Variants in EYA1 observed in about 807,000 individuals in gnomAD.
EYA1 encodes EYA transcriptional coactivator and phosphatase 1.
A neutral mutation model predicts 82.0 loss-of-function variants in EYA1; 16 were observed. The ratio of observed to expected loss-of-function variants is 0.20; its 90% CI spans 0.13 to 0.30. The LOEUF (loss-of-function observed/expected upper bound fraction) is 0.30. Among genes scored for constraint, EYA1 ranks in the 10% least tolerant of loss-of-function variants. The pLI is 1.00. For missense variants in EYA1, 633 were observed against 730.7 expected (o/e 0.87, Z 1.54); for synonymous variants, 261 against 264.4 (o/e 0.99, Z 0.12).
intron 1 of EYA1, among the ~76,000 whole-genome samples, chr8:71,545,349 A>G (rs557359901): frequency 7.9e-4 from 121 of 152,348 alleles, no homozygotes; most frequent in Middle Eastern, 6.8e-3. Flanking sequence ...TTTATATCCA[A>G]AAAGAAACAG....
chr8:71,427,603 A>T (rs893120092), intron 2 of EYA1, among the ~76,000 whole-genome samples: 1 of 152,186 alleles, frequency 6.6e-6, no homozygotes, highest in Non-Finnish European at 1.5e-5. Flanking sequence ...GCCTTATATA[A>T]CGCCTAGTGA....
At chr8:71,287,944 T>C (rs1032068690) in intron 9 of EYA1, among the ~76,000 whole-genome samples, 4 of 152,216 alleles carry the variant, frequency 2.6e-5, no homozygotes, top group Non-Finnish European at 5.9e-5. Flanking sequence ...ATTATGCTCA[T>C]TCCACAGAGA....
At chr8:71,384,101 C>CT (rs1332695970) in intron 2 of EYA1, among the ~76,000 whole-genome samples, 10 of 152,064 alleles carry the variant, frequency 6.6e-5, no homozygotes, top group African/African-American at 2.2e-4. Flanking sequence ...TTCTCTAGAT[C>CT]TTTAAGAACT....
intron 1 of EYA1, among the ~76,000 whole-genome samples, chr8:71,543,302 G>A (rs1248569380): frequency 1.3e-5 from 2 of 152,146 alleles, no homozygotes; most frequent in African/African-American, 2.4e-5. Context: ...AGAGGTTGGG[G>A]GGTGATGAAC....
chr8:71,240,646 T>A (rs1403322110), intron 12 of EYA1, among the ~76,000 whole-genome samples: 2 of 152,196 alleles, frequency 1.3e-5, no homozygotes, highest in Non-Finnish European at 2.9e-5. Context: ...TGGGTTAGGA[T>A]GGCAACCATA....
intron 7 of EYA1, among the ~76,000 whole-genome samples, chr8:71,308,886 G>A (rs906282389): frequency 3.9e-5 from 6 of 152,122 alleles, no homozygotes; most frequent in Non-Finnish European, 4.4e-5. Flanking sequence ...GGGCAAGCAG[G>A]ATGCTGTTTG....
intron 2 of EYA1, among the ~76,000 whole-genome samples, chr8:71,502,036 G>T (rs1478959814): frequency 2.0e-5 from 3 of 152,078 alleles, no homozygotes; most frequent in African/African-American, 7.2e-5. Context: ...ACCTAGTAAG[G>T]TACCAGATAT....
chr8:71,246,554 T>C (rs1056747017), intron 11 of EYA1, among the ~76,000 whole-genome samples: 10 of 152,248 alleles, frequency 6.6e-5, no homozygotes, highest in Non-Finnish European at 1.0e-4. Flanking sequence ...CCATGCCTGT[T>C]AAGTTTGGGA....
intron 2 of EYA1, among the ~76,000 whole-genome samples, chr8:71,463,618 TC>T (rs1808553712): frequency 1.1e-5 from 1 of 90,548 alleles, no homozygotes; most frequent in Non-Finnish European, 2.1e-5. Context: ...TCTCTCTCTC[TC>T]TCTCTCTCTC....
At chr8:71,438,755 C>T (rs1806186528) in intron 2 of EYA1, among the ~76,000 whole-genome samples, 1 of 152,096 alleles carries the variant, frequency 6.6e-6, no homozygotes, top group African/African-American at 2.4e-5. Flanking sequence ...ACAGGCAATG[C>T]CACAGTGAAA....
intron 2 of EYA1, among the ~76,000 whole-genome samples, chr8:71,496,362 G>A (rs997544561): frequency 6.6e-6 from 1 of 152,128 alleles, no homozygotes; most frequent in African/African-American, 2.4e-5. Flanking sequence ...ATTGTATTAT[G>A]GGTCTTTGCA....
In EYA1 at chr8:71,354,793, T is replaced by A. The variant is rs750274491; in HGVS notation, c.113A>T (p.Asn38Ile). 3.7e-6 allele frequency: 6 copies of A among 1,613,084 alleles called. No homozygotes were observed. The African/African-American group carries it at 4.0e-5, about 11-fold the overall frequency. ...AGGCAGACACTCACCTTCGGTGCCATTGGGAGTCATGGAATTACTATTTAT... is the reference window on the plus strand; with the variant it reads ...AGGCAGACACTCACCTTCGGTGCCAATGGGAGTCATGGAATTACTATTTAT... ...SHINSNSMTP[N>I]GTEVKTEPMS... The change falls in exon 3 of 18, where the codon AAT becomes ATT. Residue 38 changes from asparagine (N) to isoleucine (I), a missense_variant. By Grantham distance (149) the Asn-to-Ile change is moderately radical. Coordinates refer to ENST00000340726, the MANE Select transcript of EYA1 (RefSeq NM_000503.6).
At chr8:71,461,253 C>T (rs1026914710) in intron 2 of EYA1, among the ~76,000 whole-genome samples, 8 of 152,004 alleles carry the variant, frequency 5.3e-5, no homozygotes, top group African/African-American at 1.7e-4. Context: ...AGGCTGCACC[C>T]GGCTCATGCT....
At chr8:71,375,178 G>A (rs1359976683) in intron 2 of EYA1, among the ~76,000 whole-genome samples, 1 of 152,034 alleles carries the variant, frequency 6.6e-6, no homozygotes, top group Admixed American at 6.6e-5. Context: ...AACTACAGAA[G>A]ATGATGAATA....
intron 3 of EYA1, among the ~76,000 whole-genome samples, chr8:71,349,411 T>C (rs1033627286): frequency 6.6e-6 from 1 of 152,230 alleles, no homozygotes; most frequent in Non-Finnish European, 1.5e-5. Flanking sequence ...GCAAATCACA[T>C]ATTCTCTCCA....
chr8:71,335,727 G>A (rs1000129026), intron 3 of EYA1, among the ~76,000 whole-genome samples: 2 of 152,114 alleles, frequency 1.3e-5, no homozygotes, highest in African/African-American at 2.4e-5. Flanking sequence ...AGGAAAGGCA[G>A]TATTTCATTG....
intron 9 of EYA1, among the ~76,000 whole-genome samples, chr8:71,282,938 G>GTTTT (rs11330984): frequency 3.7e-4 from 48 of 131,428 alleles, no homozygotes; most frequent in Admixed American, 3.0e-3. Context: ...ACACCACCTT[G>GTTTT]TTTTTTTTTT....
At chr8:71,290,760 T>C (rs1002555434) in intron 9 of EYA1, among the ~76,000 whole-genome samples, 1 of 152,076 alleles carries the variant, frequency 6.6e-6, no homozygotes, top group Non-Finnish European at 1.5e-5. Flanking sequence ...TTTATTTCCA[T>C]GAATTTTATA....
At chr8:71,443,577 C>A (rs1033904546) in intron 2 of EYA1, among the ~76,000 whole-genome samples, 1 of 152,138 alleles carries the variant, frequency 6.6e-6, no homozygotes, top group Non-Finnish European at 1.5e-5. Context: ...ATTTTTAATA[C>A]CTAATCTGCA....
Sources: allele counts gnomAD v4.1 joint callset (sites outside exome capture counted in the v4.1 genomes callset), GRCh38; gene constraint gnomAD v4.1.1; transcripts MANE v1.5; gene names NCBI Gene and HGNC (gene_info 2026-07-23, HGNC 2026-07-21).